The following IQSEC1 variants were observed in gnomAD, a reference collection of about 807,000 sequenced individuals.
The protein encoded by IQSEC1 is IQ motif and SEC7 domain-containing protein 1.
In IQSEC1, 31 loss-of-function variants were observed where a neutral mutation model predicts 91.0. That is an observed-to-expected ratio of 0.34 (90% CI 0.26 to 0.46). IQSEC1 has a LOEUF of 0.46. Among genes scored for constraint, IQSEC1 ranks in the 20% least tolerant of loss-of-function variants. The pLI is 1.00. For synonymous variants in IQSEC1, 699 were observed against 662.6 expected (o/e 1.05, Z -0.84); for missense variants, 1,388 against 1,575.6 (o/e 0.88, Z 2.02).
chr3:12,915,393 T>C (rs1390318161), intron 7 of IQSEC1, among the ~76,000 whole-genome samples: 1 of 152,208 alleles, frequency 6.6e-6, no homozygotes, highest in African/African-American at 2.4e-5. Flanking sequence ...CTCAGCTCTC[T>C]TCAGATTGTA....
At chr3:13,219,273 G>A (rs1251631553) in intron 1 of IQSEC1, among the ~76,000 whole-genome samples, 1 of 152,200 alleles carries the variant, frequency 6.6e-6, no homozygotes, top group Admixed American at 6.5e-5. Flanking sequence ...CAAGTTCACT[G>A]GTAAGAGGAA....
In IQSEC1 at chr3:13,115,757, C is replaced by A. The variant is rs186894693; in HGVS notation, c.302+48347G>T. On this transcript the variant is annotated intron_variant, in intron 2 of 15. Coordinates refer to the IQSEC1 transcript ENST00000648114. ...TCCGGGCGCTGAATGCACGCTAGCC[C>A]ATTTCACAGGCGAGCTAGGCACTGT... Among the ~76,000 whole-genome samples the A allele has an allele frequency of 2.7e-3, 415 of 152,328 alleles. 5 individuals carry two copies. Among genetic ancestry groups the A allele is most frequent in the East Asian group, 5.8e-4 (3 of 5,172 alleles).
chr3:12,939,618 C>A (rs1206263184), intron 2 of IQSEC1, among the ~76,000 whole-genome samples: 2 of 152,190 alleles, frequency 1.3e-5, no homozygotes, highest in African/African-American at 4.8e-5. Context: ...ATCAAATGCT[C>A]AGTGGCCCTT....
chr3:13,024,876 C>T (rs1000661944), intron 1 of IQSEC1, among the ~76,000 whole-genome samples: 1 of 152,248 alleles, frequency 6.6e-6, no homozygotes, highest in Non-Finnish European at 1.5e-5. Flanking sequence ...ACACAAGCTA[C>T]TTCCTCTTGC....
chr3:13,079,136 G>C (rs1176293202), intron 2 of IQSEC1, among the ~76,000 whole-genome samples: 1 of 152,214 alleles, frequency 6.6e-6, no homozygotes, highest in African/African-American at 2.4e-5. Context: ...GAGCAGGGCC[G>C]GGCCTGTGGA....
intron 2 of IQSEC1, among the ~76,000 whole-genome samples, chr3:13,162,697 A>G (rs165270): frequency 0.9 from 136,716 of 152,184 alleles, 61,634 homozygotes; most frequent in African/African-American, 0.97. Flanking sequence ...GTGTACTCTC[A>G]CACCCTGCTT....
chr3:13,209,919 A>T (rs555081100), intron 1 of IQSEC1, among the ~76,000 whole-genome samples: 1 of 152,070 alleles, frequency 6.6e-6, no homozygotes, highest in Non-Finnish European at 1.5e-5. Context: ...CCATCCTCCA[A>T]CCTTTCCCAT....
intron 1 of IQSEC1, among the ~76,000 whole-genome samples, chr3:13,017,566 C>T (rs1332223144): frequency 6.6e-6 from 1 of 152,210 alleles, no homozygotes; most frequent in African/African-American, 2.4e-5. Context: ...GGACTCAGGT[C>T]CTCCTCTGTG....
intron 1 of IQSEC1, among the ~76,000 whole-genome samples, chr3:13,278,680 G>A (rs1407480842): frequency 3.9e-5 from 6 of 152,182 alleles, no homozygotes; most frequent in African/African-American, 1.4e-4. Flanking sequence ...TTAGCCAGGC[G>A]TGGTGGTGCA....
chr3:13,170,923 C>G (rs2125000148), intron 1 of IQSEC1, among the ~76,000 whole-genome samples: 1 of 152,146 alleles, frequency 6.6e-6, no homozygotes, highest in South Asian at 2.1e-4. Flanking sequence ...CATGGTGAAA[C>G]CCCATCTCTA....
At position 13,222,343 on chromosome 3, in the gene IQSEC1, T is replaced by C. The variant is rs73813511; in HGVS notation, c.273-58210A>G. On this transcript the variant is annotated intron_variant, in intron 1 of 15. Transcript: ENST00000648114. ...CCTTTTTAGGGTGAATCATATTCCATTGTAGGGACAGACCACGTTCATCTG... is the reference window on the plus strand; with the variant it reads ...CCTTTTTAGGGTGAATCATATTCCACTGTAGGGACAGACCACGTTCATCTG... Among the ~76,000 whole-genome samples the C allele has an allele frequency of 9.3e-3, 1,416 of 152,282 alleles. 22 individuals are homozygous for C. The highest frequency in any genetic ancestry group is 0.033 in the African/African-American group (1,351 of 41,540).
chr3:13,144,926 G>A (rs1301882522), intron 2 of IQSEC1, among the ~76,000 whole-genome samples: 1 of 152,234 alleles, frequency 6.6e-6, no homozygotes, highest in Non-Finnish European at 1.5e-5. Flanking sequence ...CAGGGCTAAG[G>A]CGAGGTCCCT....
In IQSEC1 at chr3:12,944,607, T is replaced by C. The variant is rs2125381577; in HGVS notation, c.24-2742A>G. On this transcript the variant is annotated intron_variant, in intron 1 of 13. Coordinates refer to ENST00000613206, the MANE Select transcript of IQSEC1 (RefSeq NM_001134382.3). ...AGGGCACATCACACACGCCCGGGAC[T>C]GGAAGCACTTCAGTCAGGCGCCAAA... Among the ~76,000 whole-genome samples, 2 of 152,322 alleles carry C rather than the reference T, an allele frequency of 1.3e-5. 1 individual carries two copies. The highest frequency in any genetic ancestry group is 6.8e-3 in the Middle Eastern group (2 of 294).
chr3:13,080,250 G>T (rs1705627589), intron 2 of IQSEC1, among the ~76,000 whole-genome samples: 1 of 152,174 alleles, frequency 6.6e-6, no homozygotes, highest in African/African-American at 2.4e-5. Flanking sequence ...GGAGAGGTTG[G>T]GATGGTGAGT....
At chr3:13,138,504 C>T (rs1192058705) in intron 2 of IQSEC1, among the ~76,000 whole-genome samples, 1 of 152,136 alleles carries the variant, frequency 6.6e-6, no homozygotes, top group African/African-American at 2.4e-5. Flanking sequence ...CACCCACTAT[C>T]TGTCCAGGCT....
At chr3:13,089,493 G>A (rs1337642698) in intron 2 of IQSEC1, among the ~76,000 whole-genome samples, 1 of 152,174 alleles carries the variant, frequency 6.6e-6, no homozygotes, top group African/African-American at 2.4e-5. Flanking sequence ...GCTGAGGTGG[G>A]AGGATCCCTT....
Position 13,029,151 on chromosome 3 carries a change from C to T in IQSEC1, c.23+43841G>A, listed in dbSNP as rs115616917. ...TAGCCTTGAAAGTTTCTGGCTATGG[C>T]CGTCTTTAAAACTTCCAGGGTGACA... On this transcript the variant is annotated intron_variant, in intron 1 of 13. Coordinates refer to ENST00000613206, the MANE Select transcript of IQSEC1 (RefSeq NM_001134382.3). Among the ~76,000 whole-genome samples the T allele has an allele frequency of 9.6e-3, 1,466 of 152,354 alleles. 20 individuals carry two copies. Among genetic ancestry groups the T allele is most frequent in the African/African-American group, 0.032 (1,347 of 41,574 alleles).
intron 1 of IQSEC1, among the ~76,000 whole-genome samples, chr3:13,228,251 C>T (rs5021661): frequency 3.9e-5 from 6 of 152,190 alleles, no homozygotes; most frequent in Non-Finnish European, 8.8e-5. Context: ...TAGGAACACA[C>T]TGTACTAAGA....
At chr3:13,097,059 A>T (rs1705978174) in intron 2 of IQSEC1, among the ~76,000 whole-genome samples, 1 of 151,958 alleles carries the variant, frequency 6.6e-6, no homozygotes, top group South Asian at 2.1e-4. Flanking sequence ...ACGGGGTTTC[A>T]CCGTGTTAGC....
Sources: gnomAD v4.1 joint callset for allele counts (sites outside exome capture counted in the v4.1 genomes callset) on GRCh38, gnomAD v4.1.1 for gene constraint, MANE v1.5 for transcripts, NCBI Gene and HGNC (gene_info 2026-07-23, HGNC 2026-07-21) for gene names.